The following RO60 variants were observed in gnomAD, a reference collection of about 807,000 sequenced individuals.
The protein encoded by RO60 is Ro60, Y RNA binding protein.
A neutral mutation model predicts 55.3 loss-of-function variants in RO60; 20 were observed. The ratio of observed to expected loss-of-function variants is 0.36; its 90% confidence interval spans 0.25 to 0.53. RO60 has a LOEUF of 0.53. Among genes scored for constraint, RO60 ranks in the 20% least tolerant of loss-of-function variants. The pLI, the probability that RO60 is intolerant of heterozygous loss-of-function variation, is 0.92. For synonymous variants in RO60, 213 were observed against 213.6 expected (o/e 1.00, Z 0.02); for missense variants, 558 against 646.6 (o/e 0.86, Z 1.49).
rs768914427 is a variant in RO60, at chr1:193,082,603, G to T, written c.1359G>T (p.Trp453Cys). Residue 453 changes from tryptophan (W) to cysteine (C), a missense_variant, in exon 8 of 9, where the codon TGG becomes TGT. Transcript: ENST00000400968. ...GGTDCSLPMI[W>C]AQKTNTPADV... is the part of the protein sequence containing the mutation. ...CTGATTGCTCTCTTCCAATGATCTG[G>T]GCTCAGAAGACAAACACACCTGCTG... is the stretch of plus-strand genomic sequence containing the variant. 5.2e-5 allele frequency: 84 copies of T among 1,613,702 alleles called. No individual in the cohort carries two copies. The highest frequency in any genetic ancestry group is 7.1e-5 in the Non-Finnish European group (84 of 1,179,948).
intron 1 of RO60, chr1:193,060,130 A>G (rs1672424975): frequency 1.7e-6 from 2 of 1,194,894 alleles, no homozygotes; most frequent in Middle Eastern, 3.8e-4. Flanking sequence ...CTGCGCGGAG[A>G]GGCGTCGCCC....
chr1:193,083,800 C>T (rs762234878), intron 8 of RO60, among the ~76,000 whole-genome samples: 1 of 152,080 alleles, frequency 6.6e-6, no homozygotes, highest in Non-Finnish European at 1.5e-5. Context: ...CACTGGAGTG[C>T]AATGGTGCTA....
intron 2 of RO60, among the ~76,000 whole-genome samples, chr1:193,069,949 G>C (rs1185113325): frequency 6.6e-6 from 1 of 152,132 alleles, no homozygotes; most frequent in Admixed American, 6.5e-5. Context: ...AAGACTAAAA[G>C]TTGCAATAAG....
Position 193,085,047 on chromosome 1 carries a change from G to A in RO60, c.*316G>A, listed in dbSNP as rs1391377748. ...ACGTGTGTACCTAAAAGAGGTAAGA[G>A]CAAAAAGTGTAATTCCACATCATGT... On this transcript the variant is annotated 3_prime_UTR_variant, in exon 9 of 9. Coordinates refer to ENST00000400968, the MANE Select transcript of RO60 (RefSeq NM_001173524.2). 2.0e-6 allele frequency: 3 copies of A among 1,520,064 alleles called. No homozygotes were observed. Among genetic ancestry groups the A allele is most frequent in the South Asian group, 1.2e-5 (1 of 80,222 alleles). The allele number at this position is 1,520,064 out of a possible 1,614,324, so 94.2% of individuals were successfully genotyped here. A position where few individuals can be genotyped will look rare whatever the true frequency, so the allele number is the denominator to read the frequency against.
rs1466116634 is a variant in RO60, at chr1:193,075,801, A to T, written c.581-19A>T. The T allele has an allele frequency of 6.4e-7, 1 of 1,557,248 alleles. No homozygotes were observed. Among genetic ancestry groups the T allele is most frequent in the Admixed American group, 2.0e-5 (1 of 50,474 alleles). On this transcript the variant is annotated intron_variant, in intron 2 of 8. Coordinates refer to ENST00000400968, the MANE Select transcript of RO60 (RefSeq NM_001173524.2). ...CTTGGTAATCCTGCATGCTTTTTCA[A>T]TTCTTTATCTTGTTAAAGGACTTGC...
chr1:193,065,875 C>T (rs997904090), intron 1 of RO60, among the ~76,000 whole-genome samples: 8 of 152,164 alleles, frequency 5.3e-5, no homozygotes, highest in African/African-American at 1.4e-4. Flanking sequence ...ACTAATATTC[C>T]GAACACAATT....
At position 193,086,838 on chromosome 1, in the gene RO60, C is replaced by T. The variant is rs1400487059; in HGVS notation, c.*2107C>T. ...AGAAAGGATAAGTAGGAGAAGCTAC[C>T]ACAGAAGGTAACTTTTCAAATCATG... On this transcript the variant is annotated 3_prime_UTR_variant, in exon 9 of 9. Transcript: ENST00000400968. 6.6e-6 allele frequency: 1 copy of T among 152,022 alleles called. No homozygotes were observed. The highest frequency in any genetic ancestry group is 1.5e-5 in the Non-Finnish European group (1 of 67,962). 9.4% of individuals were successfully genotyped at this position (152,022 alleles called of 1,614,324 possible).
Position 193,086,398 on chromosome 1 carries a change from T to C in RO60, c.*1667T>C, listed in dbSNP as rs1185517026. 6.6e-6 allele frequency: 1 copy of C among 152,172 alleles called. No individual in the cohort carries two copies. The highest frequency in any genetic ancestry group is 1.5e-5 in the Non-Finnish European group (1 of 68,022). 9.4% of individuals were successfully genotyped at this position (152,172 alleles called of 1,614,324 possible). Reference sequence around the variant, plus strand: ...AGATATTTTTGTTCAGCAAAGCTCATAGCACCCTCACCCCCACTCCAGACA... The same window carrying C: ...AGATATTTTTGTTCAGCAAAGCTCACAGCACCCTCACCCCCACTCCAGACA... On this transcript the variant is annotated 3_prime_UTR_variant, in exon 9 of 9. Transcript: ENST00000400968.
intron 8 of RO60, among the ~76,000 whole-genome samples, chr1:193,083,443 A>G (rs1469339519): frequency 6.6e-6 from 1 of 152,234 alleles, no homozygotes; most frequent in East Asian, 1.9e-4. Context: ...CTGAAATGAC[A>G]TAAATCTTCA....
Position 193,075,995 on chromosome 1 carries a change from ATTAG to A in RO60, c.761_764del (p.Val254GlufsTer5), listed in dbSNP as rs1673890378. ...TCATTCATCTAATAGAAGAACATAG[ATTAG>A]TTAGAGAACATCTTTTAACAAATCA... is the stretch of plus-strand genomic sequence containing the variant. On this transcript the variant is annotated frameshift_variant, in exon 3 of 9. Transcript: ENST00000400968. LOFTEE classifies it high-confidence loss of function. The A allele has an allele frequency of 6.2e-7, 1 of 1,612,448 alleles. No homozygotes were observed. The highest frequency in any genetic ancestry group is 8.5e-7 in the Non-Finnish European group (1 of 1,179,352).
At position 193,082,289 on chromosome 1, in the gene RO60, C is replaced by T. The variant is rs375694708; in HGVS notation, c.1307C>T (p.Ala436Val). The T allele has an allele frequency of 6.2e-7, 1 of 1,602,206 alleles. No homozygotes were observed. Among genetic ancestry groups the T allele is most frequent in the Non-Finnish European group, 8.5e-7 (1 of 1,174,162 alleles). The change falls in exon 7 of 9, where the codon GCT becomes GTT. Residue 436 changes from alanine to valine, a missense_variant. Transcript: ENST00000400968. ...TDMTLQQVLM[A>V]MSQIPAGGTD... ...ATGACCTTACAACAGGTTTTAATGG[C>T]TATGAGTCAGGTAAGAAACTGTGTT...
rs191807424 is a variant in RO60, at chr1:193,064,717, G to T, written c.-21-4317G>T. On this transcript the variant is annotated intron_variant, in intron 1 of 8. Transcript: ENST00000400968. Reference sequence around the variant, plus strand: ...GAAAACCTGAGCAGTTTCTGCTGCAGAAATACTGAAAGGGTATGTCCTCAG... The same window carrying T: ...GAAAACCTGAGCAGTTTCTGCTGCATAAATACTGAAAGGGTATGTCCTCAG... Among the ~76,000 whole-genome samples the T allele has an allele frequency of 4.6e-5, 7 of 152,322 alleles. No individual in the cohort carries two copies. The East Asian group carries it at 1.2e-3, about 25-fold the overall frequency.
intron 3 of RO60, 24 bp downstream of exon 3, chr1:193,076,064 A>G (rs1359011806): frequency 6.6e-7 from 1 of 1,518,634 alleles, no homozygotes; most frequent in Non-Finnish European, 9.0e-7. Flanking sequence ...ATGTTACAGC[A>G]TGTGATTAAA....
rs1674643561 is a variant in RO60 at position 193,086,843 on chromosome 1, A to C, written c.*2112A>C. Reference sequence around the variant, plus strand: ...GGATAAGTAGGAGAAGCTACCACAGAAGGTAACTTTTCAAATCATGGCATA... The same window carrying C: ...GGATAAGTAGGAGAAGCTACCACAGCAGGTAACTTTTCAAATCATGGCATA... On this transcript the variant is annotated 3_prime_UTR_variant, in exon 9 of 9. Coordinates refer to ENST00000400968, the MANE Select transcript of RO60 (RefSeq NM_001173524.2). 1 of 152,158 alleles carries C rather than the reference A, an allele frequency of 6.6e-6. No individual in the cohort carries two copies. The highest frequency in any genetic ancestry group is 1.5e-5 in the Non-Finnish European group (1 of 67,984). 9.4% of individuals were successfully genotyped at this position (152,158 alleles called of 1,614,324 possible). A position where few individuals can be genotyped will look rare whatever the true frequency, so the allele number is the denominator to read the frequency against.
chr1:193,074,332 A>G (rs1481174524), intron 2 of RO60, among the ~76,000 whole-genome samples: 1 of 152,160 alleles, frequency 6.6e-6, no homozygotes, highest in Non-Finnish European at 1.5e-5. Flanking sequence ...ACAATGGTTG[A>G]ACTAGTTTAC....
At chr1:193,079,081 CTTTTTTTTTTTTT>C (rs745317535) in intron 5 of RO60, among the ~76,000 whole-genome samples, 3 of 85,936 alleles carry the variant, frequency 3.5e-5, no homozygotes, top group African/African-American at 1.3e-4. Flanking sequence ...GTTCAGTTGA[CTTTTTTTTTTTTT>C]TTTTTTTTTT....
intron 2 of RO60, among the ~76,000 whole-genome samples, chr1:193,074,141 G>T: frequency 6.6e-6 from 1 of 152,256 alleles, no homozygotes; most frequent in Admixed American, 6.5e-5. Flanking sequence ...TATCATTGCT[G>T]GACATTTGGG....
intron 8 of RO60, among the ~76,000 whole-genome samples, chr1:193,083,382 A>AT (rs1674450010): frequency 6.6e-6 from 1 of 152,198 alleles, no homozygotes. Context: ...TCTATGCTCT[A>AT]TGTTTTATGG....
rs1374886649 is a variant in RO60 at position 193,089,613 on chromosome 1, G to A, written c.*4882G>A. The A allele has an allele frequency of 6.6e-6, 1 of 152,008 alleles. No homozygotes were observed. The highest frequency in any genetic ancestry group is 1.5e-5 in the Non-Finnish European group (1 of 67,990). The allele number at this position is 152,008 out of a possible 1,614,324, so 9.4% of individuals were successfully genotyped here. A position where few individuals can be genotyped will look rare whatever the true frequency, so the allele number is the denominator to read the frequency against. ...GGAAAATAGTGGAAAGAAAAAACTAGTGGAGAACATCTTAGAAAATTCTAT... is the reference window on the plus strand; with the variant it reads ...GGAAAATAGTGGAAAGAAAAAACTAATGGAGAACATCTTAGAAAATTCTAT... On this transcript the variant is annotated 3_prime_UTR_variant, in exon 9 of 9. Transcript: ENST00000400968.
Sources: allele counts gnomAD v4.1 joint callset (sites outside exome capture counted in the v4.1 genomes callset), GRCh38; gene constraint gnomAD v4.1.1; transcripts MANE v1.5; gene names NCBI Gene and HGNC (gene_info 2026-07-23, HGNC 2026-07-21).